MYO5B: variants seen among roughly 807,000 people sequenced by gnomAD.
The protein encoded by MYO5B is myosin VB.
In MYO5B, 143 loss-of-function variants were observed where a neutral mutation model predicts 229.3. The ratio of observed to expected loss-of-function variants is 0.62; its 90% confidence interval spans 0.54 to 0.72. The LOEUF is 0.72. MYO5B is among the 30% of genes least tolerant of loss of function. The pLI is 0.00. For synonymous variants in MYO5B, 918 were observed against 885.2 expected (o/e 1.04, Z -0.66); for missense variants, 2,321 against 2,331.0 (o/e 1.00, Z 0.09).
intron 1 of MYO5B, among the ~76,000 whole-genome samples, chr18:50,068,044 T>TCC (rs1555656014): frequency 6.8e-6 from 1 of 147,874 alleles, no homozygotes; most frequent in Non-Finnish European, 1.5e-5. Context: ...TACACACATA[T>TCC]ACACACACAC....
At chr18:49,944,767 T>C (rs1236971199) in intron 14 of MYO5B, among the ~76,000 whole-genome samples, 1 of 152,132 alleles carries the variant, frequency 6.6e-6, no homozygotes, top group East Asian at 1.9e-4. Flanking sequence ...TCTCTGTTGC[T>C]TCAAACCCCT....
At chr18:49,963,440 T>A (rs1001473386) in intron 10 of MYO5B, among the ~76,000 whole-genome samples, 3 of 138,838 alleles carry the variant, frequency 2.2e-5, no homozygotes, top group Non-Finnish European at 3.2e-5. Flanking sequence ...TTATTTATTT[T>A]GAGACATGGT....
At chr18:49,843,005 C>G (rs1426384202) in intron 34 of MYO5B, among the ~76,000 whole-genome samples, 1 of 152,182 alleles carries the variant, frequency 6.6e-6, no homozygotes, top group Non-Finnish European at 1.5e-5. Flanking sequence ...CAGGGAGGAG[C>G]TGGAGGGCTA....
At chr18:50,159,068 C>G (rs1020999149) in intron 1 of MYO5B, among the ~76,000 whole-genome samples, 12 of 152,108 alleles carry the variant, frequency 7.9e-5, no homozygotes, top group Non-Finnish European at 1.6e-4. Flanking sequence ...GGTTTAAACT[C>G]GTTATCCTGG....
At chr18:50,025,549 A>C (rs2026321755) in intron 4 of MYO5B, among the ~76,000 whole-genome samples, 1 of 152,228 alleles carries the variant, frequency 6.6e-6, no homozygotes, top group African/African-American at 2.4e-5. Flanking sequence ...CTGGTCTGTT[A>C]CTGTGCAGTG....
intron 22 of MYO5B, among the ~76,000 whole-genome samples, chr18:49,882,626 C>CAAAAAAAAAAAAAAAAAAA (rs10683323): frequency 1.1e-5 from 1 of 93,828 alleles, no homozygotes; most frequent in African/African-American, 4.1e-5. Flanking sequence ...GAAATCATCT[C>CAAAAAAAAAAAAAAAAAAA]AAAAAAAAAA....
At chr18:49,961,828 T>G (rs1404261660) in intron 12 of MYO5B, among the ~76,000 whole-genome samples, 1 of 152,206 alleles carries the variant, frequency 6.6e-6, no homozygotes, top group Non-Finnish European at 1.5e-5. Context: ...AGAAACCAGA[T>G]GGGGAAATTA....
intron 1 of MYO5B, among the ~76,000 whole-genome samples, chr18:50,057,924 C>T (rs1018731853): frequency 6.6e-6 from 1 of 152,322 alleles, no homozygotes; most frequent in Non-Finnish European, 1.5e-5. Flanking sequence ...TCACTCTCCC[C>T]TGCCTTTGAG....
intron 22 of MYO5B, among the ~76,000 whole-genome samples, chr18:49,884,384 T>A (rs959379112): frequency 2.6e-5 from 4 of 152,056 alleles, no homozygotes; most frequent in Non-Finnish European, 5.9e-5. Context: ...TACATTGTAA[T>A]ATACAATTAA....
At chr18:50,128,090 T>C (rs1370062636) in intron 1 of MYO5B, among the ~76,000 whole-genome samples, 3 of 152,236 alleles carry the variant, frequency 2.0e-5, no homozygotes, top group Admixed American at 6.5e-5. Flanking sequence ...TGAATGCAGA[T>C]CTTAGGACCT....
intron 1 of MYO5B, among the ~76,000 whole-genome samples, chr18:50,105,951 C>T (rs759656047): frequency 6.6e-6 from 1 of 152,054 alleles, no homozygotes; most frequent in Non-Finnish European, 1.5e-5. Flanking sequence ...CCTTTGTAGG[C>T]TGTCCACCCT....
At chr18:49,927,848 G>T (rs1171978411) in intron 17 of MYO5B, among the ~76,000 whole-genome samples, 1 of 152,224 alleles carries the variant, frequency 6.6e-6, no homozygotes, top group African/African-American at 2.4e-5. Context: ...ACGACTTCAT[G>T]ACCAAGAACC....
At chr18:50,190,485 T>A (rs1429389115) in intron 1 of MYO5B, among the ~76,000 whole-genome samples, 1 of 152,200 alleles carries the variant, frequency 6.6e-6, no homozygotes, top group Non-Finnish European at 1.5e-5. Context: ...ACCCTGAAAG[T>A]GTCTGGCACT....
At chr18:50,017,175 C>T (rs764685435) in intron 4 of MYO5B, among the ~76,000 whole-genome samples, 12 of 152,208 alleles carry the variant, frequency 7.9e-5, no homozygotes, top group Admixed American at 3.9e-4. Context: ...TGGAGTGCAG[C>T]GGCATGATCT....
At chr18:50,029,810 A>G (rs1487785878) in intron 4 of MYO5B, among the ~76,000 whole-genome samples, 2 of 152,188 alleles carry the variant, frequency 1.3e-5, no homozygotes, top group African/African-American at 4.8e-5. Flanking sequence ...GCAGGTTGGG[A>G]GAGAAGAGGT....
intron 10 of MYO5B, among the ~76,000 whole-genome samples, chr18:49,971,750 G>A (rs1192099450): frequency 6.6e-6 from 1 of 152,210 alleles, no homozygotes; most frequent in Non-Finnish European, 1.5e-5. Flanking sequence ...CAGCTAGCTT[G>A]TTCACTCTGA....
chr18:49,936,271 C>T lies in MYO5B; in HGVS notation c.1984G>A (p.Asp662Asn), dbSNP rs200378779. 1.1e-4 allele frequency: 180 copies of T among 1,599,786 alleles called. No individual in the cohort carries two copies. In the African/African-American group the frequency reaches 1.6e-3, roughly 14 times the overall value. ...PHYVRCIKPN[D>N]EKLPFHFDPK... is the part of the protein sequence containing the mutation. ...ACTTACTGAAAGGGGAGCTTCTCAT[C>T]GTTGGGCTTGATGCAGCGGACATAG... Residue 662 changes from aspartate to asparagine, a missense_variant, in exon 16 of 40, where the codon GAT becomes AAT. By Grantham distance (23) the Asp-to-Asn change is conservative. Around this residue, in one of 2 missense-constraint regions of MYO5B, gnomAD observed 2,113 missense variants for 2,044.7 expected, o/e 1.03. Coordinates refer to ENST00000285039, the MANE Select transcript of MYO5B (RefSeq NM_001080467.3).
intron 1 of MYO5B, among the ~76,000 whole-genome samples, chr18:50,110,041 G>A (rs2031837619): frequency 6.6e-6 from 1 of 152,018 alleles, no homozygotes; most frequent in African/African-American, 2.4e-5. Flanking sequence ...CCTTCACTCA[G>A]CTCCAGCCAT....
chr18:50,042,883 G>T (rs1382367983), intron 2 of MYO5B, among the ~76,000 whole-genome samples: 1 of 152,154 alleles, frequency 6.6e-6, no homozygotes, highest in Non-Finnish European at 1.5e-5. Flanking sequence ...TCCTCTTTCA[G>T]ATTAGAAAGC....
Sources: gnomAD v4.1 joint callset for allele counts (sites outside exome capture counted in the v4.1 genomes callset) on GRCh38, gnomAD v4.1.1 for gene constraint, gnomAD v4.1.1 regional missense constraint, MANE v1.5 for transcripts, NCBI Gene and HGNC (gene_info 2026-07-23, HGNC 2026-07-21) for gene names.